Variants in TGFBR2 observed in about 807,000 individuals in gnomAD.
TGFBR2 encodes transforming growth factor beta receptor 2, also known as TGF-beta receptor type-2.
A neutral mutation model predicts 49.0 loss-of-function variants in TGFBR2; 18 were observed. The observed-to-expected ratio is 0.37, with a 90% CI of 0.25 to 0.54. The LOEUF (loss-of-function observed/expected upper bound fraction) is 0.54, where lower values mean the gene tolerates loss of function less well. TGFBR2 is among the 20% of genes least tolerant of loss of function. TGFBR2 has a pLI of 0.85. For missense variants in TGFBR2, 525 were observed against 722.6 expected (o/e 0.73, Z 3.13); for synonymous variants, 282 against 275.9 (o/e 1.02, Z -0.22).
intron 1 of TGFBR2, among the ~76,000 whole-genome samples, chr3:30,611,312 A>G (rs1341770080): frequency 6.6e-6 from 1 of 152,234 alleles, no homozygotes; most frequent in Admixed American, 6.5e-5. Context: ...TGTTTGGTCC[A>G]AATAGTAAAA....
rs867985609 is a variant in TGFBR2, at chr3:30,622,137, C to T, written c.94+15160C>T. Reference sequence around the variant, plus strand: ...TGTACTGTTTTGATTATGATCAGCACTTTAATAAAATTTATCATCAAGAAA... The same window carrying T: ...TGTACTGTTTTGATTATGATCAGCATTTTAATAAAATTTATCATCAAGAAA... On this transcript the variant is annotated intron_variant, in intron 1 of 6. Transcript: ENST00000295754. Among the ~76,000 whole-genome samples, 8 of 152,306 alleles carry T rather than the reference C, an allele frequency of 5.3e-5. 1 individual carries two copies. The highest frequency in any genetic ancestry group is 6.8e-3 in the Middle Eastern group (2 of 294).
chr3:30,663,697 G>A (rs1342139194), intron 3 of TGFBR2, among the ~76,000 whole-genome samples: 1 of 152,178 alleles, frequency 6.6e-6, no homozygotes, highest in Admixed American at 6.6e-5. Context: ...CTCCGATTGA[G>A]TTGGGGAACA....
chr3:30,615,684 C>T (rs553294113), intron 1 of TGFBR2, among the ~76,000 whole-genome samples: 53 of 152,208 alleles, frequency 3.5e-4, no homozygotes, highest in Admixed American at 1.0e-3. Context: ...GTTTTTTAAA[C>T]ACTTCATATT....
At chr3:30,666,162 G>A (rs1699238947) in intron 3 of TGFBR2, among the ~76,000 whole-genome samples, 1 of 152,110 alleles carries the variant, frequency 6.6e-6, no homozygotes, top group Non-Finnish European at 1.5e-5. Flanking sequence ...ATGGAACCCA[G>A]GCTAAAAATG....
chr3:30,629,665 C>T (rs1184790320), intron 1 of TGFBR2, among the ~76,000 whole-genome samples: 2 of 152,152 alleles, frequency 1.3e-5, no homozygotes, highest in African/African-American at 4.8e-5. Context: ...AAAGCCATCA[C>T]CAAGTGTTTA....
chr3:30,691,019 C>T (rs112587499), intron 6 of TGFBR2, among the ~76,000 whole-genome samples: 1 of 152,182 alleles, frequency 6.6e-6, no homozygotes, highest in Non-Finnish European at 1.5e-5. Flanking sequence ...GTACTTTCCA[C>T]TCAATTTTGC....
intron 1 of TGFBR2, among the ~76,000 whole-genome samples, chr3:30,607,787 T>C (rs1381940537): frequency 1.6e-5 from 2 of 127,726 alleles, no homozygotes; most frequent in African/African-American, 3.5e-5. Context: ...AAGGAAAAAA[T>C]AAAAATAAAA....
intron 3 of TGFBR2, among the ~76,000 whole-genome samples, chr3:30,651,530 G>A (rs1193765569): frequency 2.0e-5 from 3 of 152,132 alleles, no homozygotes; most frequent in Non-Finnish European, 4.4e-5. Context: ...AAACAAGATA[G>A]AACACATAGA....
At chr3:30,621,325 G>A (rs1164058876) in intron 1 of TGFBR2, among the ~76,000 whole-genome samples, 1 of 121,968 alleles carries the variant, frequency 8.2e-6, no homozygotes, top group East Asian at 2.5e-4. Flanking sequence ...TTCTCACCCA[G>A]GCTGGAGTAC....
At chr3:30,615,159 T>G (rs1365053155) in intron 1 of TGFBR2, among the ~76,000 whole-genome samples, 2 of 152,144 alleles carry the variant, frequency 1.3e-5, no homozygotes, top group Non-Finnish European at 2.9e-5. Flanking sequence ...AACAGGCACT[T>G]TATTTGAAAG....
intron 1 of TGFBR2, among the ~76,000 whole-genome samples, chr3:30,627,364 A>G (rs1698352705): frequency 6.6e-6 from 1 of 152,140 alleles, no homozygotes; most frequent in Admixed American, 6.6e-5. Context: ...TCAAGTTTCA[A>G]TTGAGCTGAG....
intron 1 of TGFBR2, among the ~76,000 whole-genome samples, chr3:30,615,156 A>T (rs1262913211): frequency 6.6e-6 from 1 of 152,200 alleles, no homozygotes; most frequent in Non-Finnish European, 1.5e-5. Context: ...TAAAACAGGC[A>T]CTTTATTTGA....
chr3:30,678,420 C>T (rs187104775), intron 5 of TGFBR2, among the ~76,000 whole-genome samples: 17 of 152,064 alleles, frequency 1.1e-4, no homozygotes, highest in South Asian at 6.2e-4. Flanking sequence ...TGGCAGCAGG[C>T]GCCTGTAGTC....
In TGFBR2 at chr3:30,652,317, C is replaced by T. The variant is rs150145585; in HGVS notation, c.454+1857C>T. ...TGGCACGATCTTGGCTCACTGCAAC[C>T]TCTGCCTCCCAGGTTCAAGTGATCC... On this transcript the variant is annotated intron_variant, in intron 3 of 6. Transcript: ENST00000295754. 5.1e-3 allele frequency among the ~76,000 whole-genome samples: 764 copies of T among 149,690 alleles called. 9 individuals are homozygous for T. Among genetic ancestry groups the T allele is most frequent in the African/African-American group, 0.018 (740 of 40,626 alleles).
intron 5 of TGFBR2, among the ~76,000 whole-genome samples, chr3:30,682,079 A>C (rs1353031100): frequency 6.6e-6 from 1 of 152,120 alleles, no homozygotes; most frequent in Non-Finnish European, 1.5e-5. Flanking sequence ...CTCCAGGCCG[A>C]GCTGGGAGGG....
chr3:30,607,003 G>A (rs1191031999), intron 1 of TGFBR2, 26 bp downstream of exon 1: 1 of 1,554,524 alleles, frequency 6.4e-7, no homozygotes, highest in South Asian at 1.2e-5. Context: ...CCCGGGCTCG[G>A]CGGGGCGCCG....
chr3:30,617,613 G>T (rs997561253), intron 1 of TGFBR2, among the ~76,000 whole-genome samples: 26 of 151,636 alleles, frequency 1.7e-4, no homozygotes, highest in African/African-American at 6.1e-4. Flanking sequence ...ACTTCTTTAG[G>T]AGCCTCATTC....
intron 5 of TGFBR2, among the ~76,000 whole-genome samples, chr3:30,686,145 CT>C (rs1233142154): frequency 6.6e-6 from 1 of 152,158 alleles, no homozygotes; most frequent in Non-Finnish European, 1.5e-5. Flanking sequence ...TTCTCTTTTG[CT>C]TGAATTCAAC....
chr3:30,628,433 C>T (rs572935265), intron 1 of TGFBR2, among the ~76,000 whole-genome samples: 14 of 149,632 alleles, frequency 9.4e-5, no homozygotes, highest in Non-Finnish European at 1.9e-4. Flanking sequence ...CCTTGGTCAC[C>T]TCTGTGCTGT....
Sources: allele counts gnomAD v4.1 joint callset (sites outside exome capture counted in the v4.1 genomes callset), GRCh38; gene constraint gnomAD v4.1.1; transcripts MANE v1.5; gene names NCBI Gene and HGNC (gene_info 2026-07-23, HGNC 2026-07-21).